The following TRPC5 variants were observed in gnomAD, a reference collection of about 807,000 sequenced individuals.
TRPC5 encodes short transient receptor potential channel 5.
TRPC5 carries 9 observed loss-of-function variants against 56.5 expected under a neutral mutation model. The observed-to-expected ratio is 0.16, with a 90% CI of 0.10 to 0.28. The LOEUF is 0.28. Among genes scored for constraint, TRPC5 ranks in the 10% least tolerant of loss-of-function variants. TRPC5 has a pLI of 1.00. For missense variants in TRPC5, 469 were observed against 748.9 expected (o/e 0.63, Z 4.36); for synonymous variants, 282 against 278.5 (o/e 1.01, Z -0.13).
At chrX:111,958,704 C>T (rs1449853621) in intron 1 of TRPC5, among the ~76,000 whole-genome samples, 5 of 111,782 alleles carry the variant, frequency 4.5e-5, no homozygotes, top group East Asian at 2.8e-4. Context: ...TCTACAAATC[C>T]GAGAAATTCA....
At chrX:111,929,912 T>C (rs945823521) in intron 2 of TRPC5, among the ~76,000 whole-genome samples, 1 of 111,961 alleles carries the variant, frequency 8.9e-6, no homozygotes, top group Non-Finnish European at 1.9e-5. Context: ...ATATATACAC[T>C]GCAAAATCAC....
intron 2 of TRPC5, among the ~76,000 whole-genome samples, chrX:111,921,587 C>T (rs1926129001): frequency 9.0e-6 from 1 of 110,600 alleles, no homozygotes; most frequent in Non-Finnish European, 1.9e-5. Context: ...CTTGGACTTT[C>T]TGTTTAAAAT....
intron 1 of TRPC5, among the ~76,000 whole-genome samples, chrX:111,961,740 C>T (rs765808323): frequency 1.8e-5 from 2 of 111,984 alleles, no homozygotes; most frequent in African/African-American, 6.5e-5. Flanking sequence ...GGACCAAAAC[C>T]TGGCAGCATT....
chrX:112,016,777 C>T (rs1389330068), intron 1 of TRPC5, among the ~76,000 whole-genome samples: 3 of 111,405 alleles, frequency 2.7e-5, no homozygotes, highest in Admixed American at 1.9e-4. Flanking sequence ...CAAATTTAGA[C>T]TCCTTGGGTT....
At chrX:111,971,678 T>A (rs767136270) in intron 1 of TRPC5, among the ~76,000 whole-genome samples, 2 of 111,573 alleles carry the variant, frequency 1.8e-5, no homozygotes, top group Non-Finnish European at 3.8e-5. Flanking sequence ...GAGGTTTTCT[T>A]CCCTTGTGTC....
intron 7 of TRPC5, among the ~76,000 whole-genome samples, chrX:111,812,594 C>T (rs189198387): frequency 3.1e-3 from 341 of 111,274 alleles, no homozygotes; most frequent in African/African-American, 0.011. Context: ...CTGTATAGTT[C>T]TGGGTATAAA....
rs143070395 is a variant in TRPC5, at chrX:112,078,567, C to A, written c.-22+3312G>T. On this transcript the variant is annotated intron_variant, in intron 1 of 10. Transcript: ENST00000262839. ...CGCTTGTTTCTTATCGTTATTTTTT[C>A]TTTCCTTTTGCTAAGGCAAAAACCT... Among the ~76,000 whole-genome samples the A allele has an allele frequency of 5.4e-5, 6 of 111,619 alleles. No homozygotes were observed. The East Asian group carries it at 1.4e-3, about 26-fold the overall frequency.
At chrX:111,936,162 G>T (rs747165532) in intron 2 of TRPC5, among the ~76,000 whole-genome samples, 2 of 111,009 alleles carry the variant, frequency 1.8e-5, no homozygotes, top group Admixed American at 1.9e-4. Flanking sequence ...AATTGTAGAA[G>T]TCTTTCACTT....
At chrX:111,866,260 G>A (rs1031747703) in intron 3 of TRPC5, among the ~76,000 whole-genome samples, 4 of 113,664 alleles carry the variant, frequency 3.5e-5, no homozygotes, top group Non-Finnish European at 7.5e-5. Context: ...CTATATTCAT[G>A]TTTGTAGGAA....
intron 2 of TRPC5, among the ~76,000 whole-genome samples, chrX:111,949,428 A>G (rs1471442188): frequency 8.9e-6 from 1 of 112,059 alleles, no homozygotes; most frequent in African/African-American, 3.2e-5. Flanking sequence ...AAAAATCTTC[A>G]CAATCTGTAC....
At chrX:111,881,456 G>A (rs1254379248) in intron 3 of TRPC5, among the ~76,000 whole-genome samples, 3 of 111,608 alleles carry the variant, frequency 2.7e-5, no homozygotes, top group Middle Eastern at 9.3e-3. Flanking sequence ...GATTACAAGC[G>A]TGAGCCACTG....
At chrX:111,782,452 A>T (rs188578296) in intron 7 of TRPC5, among the ~76,000 whole-genome samples, 282 of 111,647 alleles carry the variant, frequency 2.5e-3, no homozygotes, top group African/African-American at 8.9e-3. Context: ...ATGGTATAAA[A>T]TATAACTACT....
chrX:111,854,305 C>A (rs917223763), intron 3 of TRPC5, among the ~76,000 whole-genome samples, 199 bp from the exon 4 acceptor site: 6 of 111,867 alleles, frequency 5.4e-5, no homozygotes, highest in African/African-American at 2.0e-4. Flanking sequence ...ACTAGATTTT[C>A]CTTAGTGTTC....
chrX:112,055,517 G>A (rs1419694981), intron 1 of TRPC5, among the ~76,000 whole-genome samples: 1 of 110,591 alleles, frequency 9.0e-6, no homozygotes, highest in African/African-American at 3.3e-5. Context: ...TATAACAAAT[G>A]AAGCTTATTA....
intron 1 of TRPC5, among the ~76,000 whole-genome samples, chrX:112,042,124 A>C (rs779828798): frequency 9.0e-6 from 1 of 111,722 alleles, no homozygotes; most frequent in Non-Finnish European, 1.9e-5. Context: ...TGTGCAGCCT[A>C]TGACGAGACT....
intron 7 of TRPC5, among the ~76,000 whole-genome samples, chrX:111,827,557 C>A (rs755885359): frequency 3.4e-4 from 38 of 111,632 alleles, no homozygotes; most frequent in African/African-American, 1.2e-3. Context: ...GACCAAAAAA[C>A]CTGGATGACA....
chrX:112,017,854 G>T (rs1929168997), intron 1 of TRPC5, among the ~76,000 whole-genome samples: 1 of 112,139 alleles, frequency 8.9e-6, no homozygotes, highest in Non-Finnish European at 1.9e-5. Context: ...TATTAAACTA[G>T]TACAGTAGCT....
At chrX:111,852,660 C>G (rs1187816027) in intron 4 of TRPC5, among the ~76,000 whole-genome samples, 2 of 111,860 alleles carry the variant, frequency 1.8e-5, no homozygotes, top group Non-Finnish European at 3.8e-5. Context: ...ATATGTTATA[C>G]TTTTCTGGGT....
intron 1 of TRPC5, among the ~76,000 whole-genome samples, chrX:112,055,627 T>A (rs1319143099): frequency 2.7e-5 from 3 of 109,546 alleles, no homozygotes; most frequent in African/African-American, 9.8e-5. Flanking sequence ...ATATTATTTT[T>A]AAATATGGTT....
Sources: allele counts gnomAD v4.1 joint callset (sites outside exome capture counted in the v4.1 genomes callset), GRCh38; gene constraint gnomAD v4.1.1; transcripts MANE v1.5; gene names NCBI Gene and HGNC (gene_info 2026-07-23, HGNC 2026-07-21).